Variants in SERPINB12 observed in about 807,000 individuals in gnomAD.
SERPINB12 encodes serpin family B member 12, also known as serpin B12.
Under a neutral mutation model 41.1 loss-of-function variants are expected in SERPINB12, and 57 were observed. The ratio of observed to expected loss-of-function variants is 1.39; its 90% CI spans 1.12 to 1.73. SERPINB12 has a LOEUF of 1.73. SERPINB12 is among the 40% of genes most tolerant of loss of function. SERPINB12 has a pLI of 0.00. For missense variants in SERPINB12, 536 were observed against 501.9 expected (o/e 1.07, Z -0.65); for synonymous variants, 180 against 181.3 (o/e 0.99, Z 0.06).
At chr18:63,543,285 G>A (rs760753283) in intron 1 of SERPINB12, among the ~76,000 whole-genome samples, 2 of 152,154 alleles carry the variant, frequency 1.3e-5, no homozygotes, top group Non-Finnish European at 1.5e-5. Flanking sequence ...CAGGGACAAT[G>A]GCAGTCCCCT....
At chr18:63,559,969 G>A (rs895433165) in intron 4 of SERPINB12, among the ~76,000 whole-genome samples, 3 of 152,168 alleles carry the variant, frequency 2.0e-5, no homozygotes, top group Non-Finnish European at 2.9e-5. Context: ...GGTTGTGTGA[G>A]TAATGGAGGC....
chr18:63,555,761 C>T (rs1910652011), intron 1 of SERPINB12, among the ~76,000 whole-genome samples: 1 of 152,130 alleles, frequency 6.6e-6, no homozygotes, highest in Non-Finnish European at 1.5e-5. Flanking sequence ...GCAACCACCA[C>T]AAGCTGAGAG....
the SERPINB12 span, among the ~76,000 whole-genome samples, chr18:63,534,814 G>T: frequency 6.6e-6 from 1 of 152,094 alleles, no homozygotes; most frequent in Non-Finnish European, 1.5e-5. Flanking sequence ...TTGGGTGGAG[G>T]AGGAAGCTGT....
Position 63,567,894 on chromosome 18 carries a change from C to A in SERPINB12, c.*883C>A, listed in dbSNP as rs948956405. Among the ~76,000 whole-genome samples the A allele has an allele frequency of 6.6e-6, 1 of 152,156 alleles. No individual in the cohort carries two copies. Among genetic ancestry groups the A allele is most frequent in the African/African-American group, 2.4e-5 (1 of 41,442 alleles). On this transcript the variant is annotated 3_prime_UTR_variant, in exon 8 of 8. Coordinates refer to ENST00000382768, the MANE Select transcript of SERPINB12 (RefSeq NM_001307928.2). ...GTGGACGGCTGGCCTCCGTATGCCC[C>A]TCTCTCTGCCTTCTGGCCACGTGGA... is the stretch of plus-strand genomic sequence containing the variant.
intron 1 of SERPINB12, 97 bp from the exon 2 acceptor site, chr18:63,556,045 G>A (rs968966485): frequency 8.1e-6 from 7 of 865,094 alleles, no homozygotes; most frequent in African/African-American, 3.4e-5. Flanking sequence ...CTGAATAATT[G>A]TGCATGATTG....
At chr18:63,524,811 A>G in the SERPINB12 span, among the ~76,000 whole-genome samples, 2 of 141,280 alleles carry the variant, frequency 1.4e-5, no homozygotes, top group South Asian at 4.4e-4. Flanking sequence ...GTGCAGCGGC[A>G]TGATCTTGGC....
At chr18:63,543,655 C>T (rs749263877) in intron 1 of SERPINB12, among the ~76,000 whole-genome samples, 16 of 151,552 alleles carry the variant, frequency 1.1e-4, no homozygotes, top group Non-Finnish European at 1.8e-4. Flanking sequence ...AGTGCAGTGG[C>T]GTGATCTTGG....
At position 63,567,134 on chromosome 18, in the gene SERPINB12, C is replaced by G; in HGVS notation, c.*123C>G. ...AGCATCTCCTTCATCCTCCAGCCAT[C>G]GGCTTGTGCTTATCTTGATCTTTCT... On this transcript the variant is annotated 3_prime_UTR_variant, in exon 8 of 8. Transcript: ENST00000382768. The G allele has an allele frequency of 1.1e-6, 1 of 930,586 alleles. No homozygotes were observed. Among genetic ancestry groups the G allele is most frequent in the South Asian group, 1.8e-5 (1 of 55,272 alleles). 57.6% of individuals were successfully genotyped at this position (930,586 alleles called of 1,614,324 possible).
chr18:63,533,678 T>C, the SERPINB12 span, among the ~76,000 whole-genome samples: 2 of 152,200 alleles, frequency 1.3e-5, no homozygotes, highest in Non-Finnish European at 2.9e-5. Context: ...CACAACACTA[T>C]CTATAATAGA....
intron 5 of SERPINB12, among the ~76,000 whole-genome samples, chr18:63,562,339 C>T (rs1011690561): frequency 1.7e-4 from 26 of 152,158 alleles, no homozygotes; most frequent in Admixed American, 1.5e-3. Context: ...CGAAGGTGTT[C>T]GTGTACAGTG....
chr18:63,522,581 G>A, the SERPINB12 span, among the ~76,000 whole-genome samples: 25 of 152,162 alleles, frequency 1.6e-4, no homozygotes, highest in African/African-American at 6.0e-4. Flanking sequence ...TCAATTTCAT[G>A]TAATTAATTT....
At chr18:63,552,200 G>A (rs940749382) in intron 1 of SERPINB12, among the ~76,000 whole-genome samples, 10 of 152,146 alleles carry the variant, frequency 6.6e-5, no homozygotes, top group Non-Finnish European at 1.3e-4. Context: ...CCTGCGAATG[G>A]GTTTCCTGAA....
the SERPINB12 span, among the ~76,000 whole-genome samples, chr18:63,523,299 C>T: frequency 4.8e-3 from 730 of 152,232 alleles, 3 homozygotes; most frequent in African/African-American, 0.016. Context: ...TTAACCCTTT[C>T]GAAGTTCATT....
At chr18:63,548,408 A>T (rs1910438678) in intron 1 of SERPINB12, among the ~76,000 whole-genome samples, 1 of 152,140 alleles carries the variant, frequency 6.6e-6, no homozygotes, top group African/African-American at 2.4e-5. Context: ...ATGAGGTTTT[A>T]AAATTAAGTT....
chr18:63,565,185 T>C (rs556459872), intron 6 of SERPINB12, among the ~76,000 whole-genome samples: 332 of 152,032 alleles, frequency 2.2e-3, no homozygotes, highest in Non-Finnish European at 3.9e-3. Flanking sequence ...AGACCCTGTC[T>C]CAGAAACAAA....
chr18:63,536,511 C>A, the SERPINB12 span, among the ~76,000 whole-genome samples: 2 of 152,070 alleles, frequency 1.3e-5, no homozygotes, highest in African/African-American at 4.8e-5. Context: ...CCATTTTTGG[C>A]AAATTTATAG....
At chr18:63,537,307 C>T in the SERPINB12 span, among the ~76,000 whole-genome samples, 2 of 152,172 alleles carry the variant, frequency 1.3e-5, no homozygotes, top group Non-Finnish European at 2.9e-5. Flanking sequence ...AGGGAAGCTA[C>T]TGTGTTCTTC....
At chr18:63,528,392 C>CAATAAATAAATAAATAAATA in the SERPINB12 span, among the ~76,000 whole-genome samples, 7 of 144,980 alleles carry the variant, frequency 4.8e-5, no homozygotes, top group East Asian at 1.0e-3. Context: ...TCTCTGAGAG[C>CAATAAATAAATAAATAAATA]AATAAATAAA....
chr18:63,549,107 G>A (rs1377221405), intron 1 of SERPINB12, among the ~76,000 whole-genome samples: 1 of 152,118 alleles, frequency 6.6e-6, no homozygotes, highest in Non-Finnish European at 1.5e-5. Flanking sequence ...TATGAAGACA[G>A]TATTAGGATA....
Sources: allele counts gnomAD v4.1 joint callset (sites outside exome capture counted in the v4.1 genomes callset), GRCh38; gene constraint gnomAD v4.1.1; transcripts MANE v1.5; gene names NCBI Gene and HGNC (gene_info 2026-07-23, HGNC 2026-07-21).